NRG1: variants seen among roughly 807,000 people sequenced by gnomAD.
NRG1 encodes pro-neuregulin-1, membrane-bound isoform.
NRG1 carries 18 observed loss-of-function variants against 63.8 expected under a neutral mutation model. The ratio of observed to expected loss-of-function variants is 0.28; its 90% confidence interval spans 0.19 to 0.42. NRG1 has a LOEUF of 0.42. Ranked by LOEUF, NRG1 falls within the 10% of genes least tolerant of loss-of-function variation. The pLI is 1.00. For synonymous variants in NRG1, 302 were observed against 301.3 expected (o/e 1.00, Z -0.02); for missense variants, 762 against 814.7 (o/e 0.94, Z 0.79).
chr8:31,815,266 C>T (rs1052530402), intron 1 of NRG1, among the ~76,000 whole-genome samples: 3 of 152,164 alleles, frequency 2.0e-5, no homozygotes, highest in Admixed American at 2.0e-4. Flanking sequence ...CACTTAAGCC[C>T]CGGGCACCAC....
Position 32,665,901 on chromosome 8 carries a change from GA to G in NRG1, c.502+49023del, listed in dbSNP as rs528532608. Among the ~76,000 whole-genome samples, 19 of 152,134 alleles carry G rather than the reference GA, an allele frequency of 1.2e-4. No individual in the cohort carries two copies. The East Asian group carries it at 2.9e-3, about 23-fold the overall frequency. On this transcript the variant is annotated intron_variant, in intron 5 of 11. Coordinates refer to ENST00000356819, the Ensembl canonical transcript of NRG1. Reference sequence around the variant, plus strand: ...TAGTGATTAAAACAATGTATGAAAAGAAAAAAATTAGTAGGCTATTTTAATA... The same window carrying G: ...TAGTGATTAAAACAATGTATGAAAAGAAAAAATTAGTAGGCTATTTTAATA...
chr8:31,930,036 G>T (rs1189042877), intron 1 of NRG1, among the ~76,000 whole-genome samples: 1 of 152,182 alleles, frequency 6.6e-6, no homozygotes, highest in Non-Finnish European at 1.5e-5. Flanking sequence ...CTGATTCCTT[G>T]CCAGGTCAGT....
chr8:32,771,900 G>A (rs1299868965), downstream of NRG1, among the ~76,000 whole-genome samples: 1 of 147,040 alleles, frequency 6.8e-6, no homozygotes, highest in Non-Finnish European at 1.5e-5. Context: ...GCACATGCCT[G>A]TAATCCCAGC....
chr8:32,188,258 G>C (rs942944076), intron 1 of NRG1, among the ~76,000 whole-genome samples: 1 of 152,100 alleles, frequency 6.6e-6, no homozygotes, highest in African/African-American at 2.4e-5. Context: ...GTAGAGACAG[G>C]GTTTCACCAT....
chr8:32,381,540 T>G (rs997308192), intron 1 of NRG1, among the ~76,000 whole-genome samples: 2 of 152,214 alleles, frequency 1.3e-5, no homozygotes, highest in African/African-American at 2.4e-5. Flanking sequence ...TGTTGCATTT[T>G]GGAATAATAA....
At chr8:31,687,107 T>G (rs1269623174) in intron 1 of NRG1, among the ~76,000 whole-genome samples, 1 of 152,006 alleles carries the variant, frequency 6.6e-6, no homozygotes, top group Non-Finnish European at 1.5e-5. Context: ...GGAAATTAGG[T>G]TTTGGTACCT....
At chr8:32,759,082 T>C (rs924764709) in intron 9 of NRG1, among the ~76,000 whole-genome samples, 2 of 149,848 alleles carry the variant, frequency 1.3e-5, no homozygotes, top group Non-Finnish European at 2.9e-5. Flanking sequence ...ATCCAGAGAG[T>C]ATTTTTTTTT....
At chr8:32,252,301 T>C (rs1343313988) in intron 1 of NRG1, among the ~76,000 whole-genome samples, 1 of 152,210 alleles carries the variant, frequency 6.6e-6, no homozygotes, top group Non-Finnish European at 1.5e-5. Context: ...ACTGCGTCAG[T>C]TTTCTTCCAG....
At chr8:32,312,153 GTTTGTTT>G (rs1206456604) in intron 1 of NRG1, among the ~76,000 whole-genome samples, 1 of 98,206 alleles carries the variant, frequency 1.0e-5, no homozygotes, top group Non-Finnish European at 2.0e-5. Context: ...ATTTGACCTT[GTTTGTTT>G]TTTTTTTTTT....
At position 32,617,789 on chromosome 8, in the gene NRG1, C is replaced by T. The variant is rs182542328; in HGVS notation, c.502+904C>T. 4.5e-3 allele frequency among the ~76,000 whole-genome samples: 678 copies of T among 152,204 alleles called. 8 individuals carry two copies. Among genetic ancestry groups the T allele is most frequent in the African/African-American group, 0.014 (561 of 41,520 alleles). ...TTTTGCTATCAGCAGGGTAGGAAAA[C>T]TCATGAAAAGAAAGTCTGTCCTTTT... On this transcript the variant is annotated intron_variant, in intron 5 of 11. Transcript: ENST00000356819.
At chr8:32,443,779 A>G (rs1429208913) in intron 1 of NRG1, among the ~76,000 whole-genome samples, 2 of 152,066 alleles carry the variant, frequency 1.3e-5, no homozygotes, top group East Asian at 1.9e-4. Flanking sequence ...AATGTCTTGC[A>G]TTTACTAGAA....
chr8:32,489,658 G>T (rs1166152043), intron 1 of NRG1, among the ~76,000 whole-genome samples: 2 of 152,068 alleles, frequency 1.3e-5, no homozygotes, highest in Non-Finnish European at 2.9e-5. Flanking sequence ...ATTAAATTAT[G>T]GAAGCTAAAT....
intron 1 of NRG1, among the ~76,000 whole-genome samples, chr8:32,023,907 C>T (rs1361068431): frequency 6.6e-6 from 1 of 152,178 alleles, no homozygotes; most frequent in Admixed American, 6.5e-5. Flanking sequence ...TGACATTCAC[C>T]TGTTTCCCTG....
intron 1 of NRG1, among the ~76,000 whole-genome samples, chr8:31,926,451 TC>T (rs1043239723): frequency 6.6e-6 from 1 of 152,094 alleles, no homozygotes; most frequent in African/African-American, 2.4e-5. Flanking sequence ...TTCAAACATT[TC>T]CCCTGCATTT....
At chr8:32,107,885 T>C (rs1041548010) in intron 1 of NRG1, among the ~76,000 whole-genome samples, 1 of 152,166 alleles carries the variant, frequency 6.6e-6, no homozygotes, top group African/African-American at 2.4e-5. Flanking sequence ...AAAAAACTTA[T>C]TGATCAAATC....
Position 31,640,535 on chromosome 8 carries a change from G to C in NRG1, c.37+1104G>C. 1 of 1,611,738 alleles carries C rather than the reference G, an allele frequency of 6.2e-7. No individual in the cohort carries two copies. Among genetic ancestry groups the C allele is most frequent in the Non-Finnish European group, 8.5e-7 (1 of 1,179,416 alleles). On this transcript the variant is annotated intron_variant, in intron 1 of 10. Coordinates refer to the NRG1 transcript ENST00000519301. The surrounding 1 kb of genome is among the most constrained non-coding windows in gnomAD (Gnocchi z 6.3). ...AAGAAGGACTCGCTGCTCACCGTGCGCCTGGGGACCTGGGGCCACCCCGCC... is the reference window on the plus strand; with the variant it reads ...AAGAAGGACTCGCTGCTCACCGTGCCCCTGGGGACCTGGGGCCACCCCGCC...
chr8:32,668,971 C>T (rs1200137432), intron 5 of NRG1, among the ~76,000 whole-genome samples: 1 of 152,174 alleles, frequency 6.6e-6, no homozygotes, highest in Non-Finnish European at 1.5e-5. Context: ...AGAGAGTGTT[C>T]TCTTTAATAT....
intron 1 of NRG1, among the ~76,000 whole-genome samples, chr8:31,719,761 G>A (rs1382991890): frequency 6.6e-6 from 1 of 152,126 alleles, no homozygotes; most frequent in Non-Finnish European, 1.5e-5. Context: ...TGCATGACAT[G>A]TGTCAAGATA....
At chr8:32,267,443 C>T (rs1851094788) in intron 1 of NRG1, among the ~76,000 whole-genome samples, 1 of 152,164 alleles carries the variant, frequency 6.6e-6, no homozygotes, top group Non-Finnish European at 1.5e-5. Context: ...AATGAGCTCT[C>T]TCATTTGCCA....
Sources: gnomAD v4.1 joint callset for allele counts (sites outside exome capture counted in the v4.1 genomes callset) on GRCh38, gnomAD v4.1.1 for gene constraint, Gnocchi (gnomAD v3.1) non-coding constraint, MANE v1.5 for transcripts, NCBI Gene and HGNC (gene_info 2026-07-23, HGNC 2026-07-21) for gene names.